Variants in RUNDC3A observed in about 807,000 individuals in gnomAD.
RUNDC3A encodes the protein RUN domain-containing protein 3A.
A neutral mutation model predicts 53.9 loss-of-function variants in RUNDC3A; 28 were observed. That is an observed-to-expected ratio of 0.52 (90% CI 0.38 to 0.71). RUNDC3A has a LOEUF of 0.71. Ranked by LOEUF, RUNDC3A falls within the 30% of genes least tolerant of loss-of-function variation. The probability of loss-of-function intolerance (pLI) is 0.00; values close to 1 mark genes in which losing one functional copy is unlikely to be tolerated. For missense variants in RUNDC3A, 491 were observed against 597.3 expected (o/e 0.82, Z 1.85); for synonymous variants, 232 against 249.4 (o/e 0.93, Z 0.66).
Position 44,312,655 on chromosome 17 carries a change from T to C in RUNDC3A, c.183T>C (p.Phe61=). 1 of 1,584,942 alleles carries C rather than the reference T, an allele frequency of 6.3e-7. No individual in the cohort carries two copies. The highest frequency in any genetic ancestry group is 8.6e-7 in the Non-Finnish European group (1 of 1,165,954). Residue 61 remains phenylalanine, a synonymous_variant, in exon 2 of 11, where the codon TTT becomes TTC. Transcript: ENST00000426726. ...ACTCATCGGAGGAGTTTGTCAATTTTGCAGCCATTTTAGAGCAGATCCTCA... is the reference window on the plus strand; with the variant it reads ...ACTCATCGGAGGAGTTTGTCAATTTCGCAGCCATTTTAGAGCAGATCCTCA... The part of the protein sequence containing the change: ...IDDSSEEFVN[F]AAILEQILSH...
intron 10 of RUNDC3A, 93 bp downstream of exon 10, chr17:44,316,818 G>GTT: frequency 2.0e-6 from 1 of 502,628 alleles, no homozygotes; most frequent in Non-Finnish European, 3.5e-6. Flanking sequence ...CATTCTCTTA[G>GTT]TCTTTTTTTT....
In RUNDC3A at chr17:44,314,957, G is replaced by T; in HGVS notation, c.577G>T (p.Gly193Trp). The T allele has an allele frequency of 1.2e-6, 2 of 1,613,996 alleles. No individual in the cohort carries two copies. The highest frequency in any genetic ancestry group is 1.7e-6 in the Non-Finnish European group (2 of 1,179,896). Residue 193 changes from glycine to tryptophan, a missense_variant, in exon 6 of 11, where the codon GGG becomes TGG. By Grantham distance (184) the Gly-to-Trp change is radical (BLOSUM62 -2). Around this residue, in one of 2 missense-constraint regions of RUNDC3A, gnomAD observed 273 missense variants for 389.0 expected, o/e 0.70. Coordinates refer to ENST00000426726, the MANE Select transcript of RUNDC3A (RefSeq NM_001144825.2). ...CTGTCTAAAGGGGGAAGTCCTGGAC[G>T]GGAAGACCCCCGTGGTCATCGATTA... ...SFCLKGEVLD[G>W]KTPVVIDYTP...
rs1190851948 is a variant in RUNDC3A at position 44,313,168 on chromosome 17, T to C, written c.288T>C (p.Tyr96=). The C allele has an allele frequency of 1.2e-6, 2 of 1,614,080 alleles. No homozygotes were observed. Among genetic ancestry groups the C allele is most frequent in the Non-Finnish European group, 1.7e-6 (2 of 1,179,898 alleles). The change falls in exon 3 of 11, where the codon TAT becomes TAC. Residue 96 remains tyrosine, a synonymous_variant. Coordinates refer to ENST00000426726, the MANE Select transcript of RUNDC3A (RefSeq NM_001144825.2). ...SSDGQRGFWD[Y]IRLACSKVPN... ...ACGGGCAGCGGGGCTTTTGGGACTA[T>C]ATCCGGCTGGCCTGCAGCAAAGTGC...
chr17:44,314,284 G>A, intron 4 of RUNDC3A: 2 of 1,017,546 alleles, frequency 2.0e-6, no homozygotes, highest in Non-Finnish European at 2.4e-6. Context: ...GTGCCTGTGT[G>A]GGCAGGTGCA....
At chr17:44,310,672 C>T (rs2047732538) in intron 1 of RUNDC3A, 41 of 985,130 alleles carry the variant, frequency 4.2e-5, no homozygotes, top group Non-Finnish European at 4.7e-5. Flanking sequence ...TCCCTGTCTC[C>T]ATGGTAACCT....
intron 1 of RUNDC3A, chr17:44,311,354 G>C (rs1302838225): frequency 1.0e-6 from 1 of 985,338 alleles, no homozygotes; most frequent in Non-Finnish European, 1.2e-6. Context: ...AGCAGAAAGA[G>C]CAGAAGCTTC....
chr17:44,310,599 G>A (rs2047731182), intron 1 of RUNDC3A: 1 of 590,150 alleles, frequency 1.7e-6, no homozygotes, highest in South Asian at 7.4e-5. Flanking sequence ...CTGTCACATG[G>A]TTTGCCTCCA....
chr17:44,314,198 T>A (rs1429849154), intron 4 of RUNDC3A: 11 of 998,068 alleles, frequency 1.1e-5, no homozygotes, highest in Non-Finnish European at 1.3e-5. Flanking sequence ...AGAGTCCTTA[T>A]ATGGGGAGTT....
In RUNDC3A at chr17:44,308,619, G is replaced by A; in HGVS notation, c.-214G>A. The A allele has an allele frequency of 2.2e-6, 1 of 446,984 alleles. No homozygotes were observed. The highest frequency in any genetic ancestry group is 3.9e-6 in the Non-Finnish European group (1 of 253,408). 27.7% of individuals were successfully genotyped at this position (446,984 alleles called of 1,614,324 possible). A position where few individuals can be genotyped will look rare whatever the true frequency, so the allele number is the denominator to read the frequency against. ...TGACGGGGCCCCGGCTCAGCACCTCGGAGAGCTCCCTCCCCGGCCTTGTTT... is the reference window on the plus strand; with the variant it reads ...TGACGGGGCCCCGGCTCAGCACCTCAGAGAGCTCCCTCCCCGGCCTTGTTT... On this transcript the variant is annotated 5_prime_UTR_variant, in exon 1 of 11. Coordinates refer to ENST00000426726, the MANE Select transcript of RUNDC3A (RefSeq NM_001144825.2).
chr17:44,313,672 C>T (rs931025766), intron 4 of RUNDC3A, 169 bp downstream of exon 4: 37 of 1,296,600 alleles, frequency 2.9e-5, no homozygotes, highest in Middle Eastern at 2.6e-4. Context: ...AGTCCCAGGA[C>T]GAACTCTTTT....
At chr17:44,316,079 C>T (rs1212413692) in intron 8 of RUNDC3A, among the ~76,000 whole-genome samples, 27 of 151,996 alleles carry the variant, frequency 1.8e-4, no homozygotes, top group Admixed American at 1.8e-3. Flanking sequence ...GGCAAGATCC[C>T]CAAGACGATC....
rs1325666070 is a variant in RUNDC3A at position 44,315,259 on chromosome 17, A to G, written c.734A>G (p.Asp245Gly). Reference protein sequence around the residue: ...HPYLPLVTDEDSWYSKWHKME... With the variant: ...HPYLPLVTDEGSWYSKWHKME... ...TACCTCCCGCTCGTCACCGATGAGG[A>G]CAGCTGGTACAGCAAGTGGCACAAG... Residue 245 changes from aspartate (D) to glycine (G), a missense_variant, in exon 7 of 11, where the codon GAC (aspartate) becomes GGC (glycine). Around this residue, in one of 2 missense-constraint regions of RUNDC3A, gnomAD observed 273 missense variants for 389.0 expected, o/e 0.70. Transcript: ENST00000426726. This position sits in a 1 kb window ranked among gnomAD's most constrained non-coding sequence, Gnocchi z 6.1. 2.1e-5 allele frequency: 33 copies of G among 1,550,276 alleles called. No homozygotes were observed. The highest frequency in any genetic ancestry group is 2.7e-5 in the Non-Finnish European group (31 of 1,146,710).
At chr17:44,316,818 GTCT>G in intron 10 of RUNDC3A, 93 bp downstream of exon 10, 2 of 502,626 alleles carry the variant, frequency 4.0e-6, no homozygotes, top group Non-Finnish European at 6.9e-6. Context: ...CATTCTCTTA[GTCT>G]TTTTTTTTTT....
chr17:44,313,751 G>T (rs569746268), intron 4 of RUNDC3A: 1 of 1,167,378 alleles, frequency 8.6e-7, no homozygotes, highest in East Asian at 3.9e-5. Flanking sequence ...GCGCGATCTC[G>T]GCTCACTGCA....
In RUNDC3A at chr17:44,313,407, A is replaced by G. The variant is rs1431903227; in HGVS notation, c.373-11A>G. 3 of 1,613,818 alleles carry G rather than the reference A, an allele frequency of 1.9e-6. No homozygotes were observed. The highest frequency in any genetic ancestry group is 1.7e-6 in the Non-Finnish European group (2 of 1,179,846). ...TCTGGGGCAGCAAGTAAAGGTGAAC[A>G]TGATTTCCAGGGCCGGGCATGGATC... On this transcript the variant is annotated splice_polypyrimidine_tract_variant and intron_variant, in intron 3 of 10. Coordinates refer to ENST00000426726, the MANE Select transcript of RUNDC3A (RefSeq NM_001144825.2).
intron 1 of RUNDC3A, 94 bp from the exon 2 acceptor site, chr17:44,312,486 C>G: frequency 1.4e-6 from 1 of 714,972 alleles, no homozygotes; most frequent in Non-Finnish European, 2.5e-6. Context: ...CCTTCCTGAC[C>G]TTTCTTCTCT....
chr17:44,310,634 A>G (rs1188871234), intron 1 of RUNDC3A: 10 of 921,682 alleles, frequency 1.1e-5, no homozygotes, highest in South Asian at 5.0e-5. Context: ...TCCCTTTAGC[A>G]GGCCATGGGC....
At position 44,312,661 on chromosome 17, in the gene RUNDC3A, C is replaced by A. The variant is rs2047771143; in HGVS notation, c.189C>A (p.Ala63=). 1 of 1,581,662 alleles carries A rather than the reference C, an allele frequency of 6.3e-7. No homozygotes were observed. The highest frequency in any genetic ancestry group is 8.6e-7 in the Non-Finnish European group (1 of 1,163,980). ...CGGAGGAGTTTGTCAATTTTGCAGC[C>A]ATTTTAGAGCAGATCCTCAGCCACC... ...DSSEEFVNFA[A]ILEQILSHRF... Residue 63 remains alanine, a synonymous_variant, in exon 2 of 11, where the codon GCC becomes GCA. Coordinates refer to ENST00000426726, the MANE Select transcript of RUNDC3A (RefSeq NM_001144825.2).
chr17:44,310,751 G>T, intron 1 of RUNDC3A: 1 of 985,444 alleles, frequency 1.0e-6, no homozygotes, highest in Non-Finnish European at 1.2e-6. Flanking sequence ...CCACCTCTGC[G>T]GCACCCCTGA....
Sources: gnomAD v4.1 joint callset for allele counts (sites outside exome capture counted in the v4.1 genomes callset) on GRCh38, gnomAD v4.1.1 for gene constraint, gnomAD v4.1.1 regional missense constraint, Gnocchi (gnomAD v3.1) non-coding constraint, MANE v1.5 for transcripts, NCBI Gene and HGNC (gene_info 2026-07-23, HGNC 2026-07-21) for gene names.